FGD3: variants seen among roughly 807,000 people sequenced by gnomAD.
FGD3 encodes FYVE, RhoGEF and PH domain-containing protein 3.
Under a neutral mutation model 71.8 loss-of-function variants are expected in FGD3, and 45 were observed. The ratio of observed to expected loss-of-function variants is 0.63; its 90% CI spans 0.49 to 0.80. The LOEUF (loss-of-function observed/expected upper bound fraction) is 0.80, where lower values mean the gene tolerates loss of function less well. Among genes scored for constraint, FGD3 ranks in the 30% least tolerant of loss-of-function variants. The pLI, the probability that FGD3 is intolerant of heterozygous loss-of-function variation, is 0.00. For synonymous variants in FGD3, 378 were observed against 392.8 expected (o/e 0.96, Z 0.44); for missense variants, 844 against 951.5 (o/e 0.89, Z 1.49).
chr9:92,956,340 T>G (rs1424580511), intron 1 of FGD3, among the ~76,000 whole-genome samples: 1 of 152,214 alleles, frequency 6.6e-6, no homozygotes, highest in Non-Finnish European at 1.5e-5. Flanking sequence ...GGGGGACTAT[T>G]ATGGGCCTGA....
intron 1 of FGD3, among the ~76,000 whole-genome samples, chr9:92,956,841 T>C (rs528230075): frequency 1.4e-5 from 2 of 145,716 alleles, no homozygotes; most frequent in Admixed American, 6.8e-5. Flanking sequence ...TTTCTTTCTT[T>C]TTTTTTTTTT....
At chr9:92,990,099 T>A (rs1178811007) in intron 3 of FGD3, among the ~76,000 whole-genome samples, 1 of 152,140 alleles carries the variant, frequency 6.6e-6, no homozygotes, top group African/African-American at 2.4e-5. Flanking sequence ...AATTTTTTTT[T>A]ATCAGTTCTA....
intron 5 of FGD3, among the ~76,000 whole-genome samples, chr9:93,004,567 T>G (rs1161653094): frequency 1.3e-5 from 2 of 152,224 alleles, no homozygotes; most frequent in Admixed American, 1.3e-4. Flanking sequence ...CCTGTCCCTC[T>G]GTCCCACTGC....
chr9:92,995,697 T>A (rs1311306231), intron 3 of FGD3, among the ~76,000 whole-genome samples: 1 of 152,204 alleles, frequency 6.6e-6, no homozygotes, highest in Non-Finnish European at 1.5e-5. Flanking sequence ...GCTGTTGAAT[T>A]TTGTTGAAGG....
intron 15 of FGD3, chr9:93,032,519 A>G (rs1298445866): frequency 2.1e-6 from 1 of 471,244 alleles, no homozygotes; most frequent in East Asian, 3.4e-5. Context: ...TCCCACGCAC[A>G]CAAGACTCCT....
Position 92,951,573 on chromosome 9 carries a change from G to A in FGD3, c.-218+3844G>A, listed in dbSNP as rs528002286. Among the ~76,000 whole-genome samples, 170 of 152,366 alleles carry A rather than the reference G, an allele frequency of 1.1e-3. 1 individual carries two copies. The highest frequency in any genetic ancestry group is 6.8e-3 in the Middle Eastern group (2 of 294). On this transcript the variant is annotated intron_variant, in intron 1 of 17. Coordinates refer to ENST00000375482, the MANE Select transcript of FGD3 (RefSeq NM_001083536.2). ...CGCCTGTAGTCCCAGCTACTCGGGAGACTGAGGTGGGAGGATTGCTTGAAC... is the reference window on the plus strand; with the variant it reads ...CGCCTGTAGTCCCAGCTACTCGGGAAACTGAGGTGGGAGGATTGCTTGAAC...
At chr9:92,956,305 G>T (rs1859049470) in intron 1 of FGD3, among the ~76,000 whole-genome samples, 2 of 152,182 alleles carry the variant, frequency 1.3e-5, no homozygotes, top group Non-Finnish European at 2.9e-5. Flanking sequence ...GGTGACAGCA[G>T]GCATCCTTGC....
At chr9:93,027,907 C>CG (rs903505410) in intron 14 of FGD3, among the ~76,000 whole-genome samples, 3 of 151,672 alleles carry the variant, frequency 2.0e-5, no homozygotes, top group African/African-American at 7.3e-5. Flanking sequence ...TTTGTTGAGA[C>CG]GGGGTCTCAC....
At chr9:93,007,247 C>T (rs1054005553) in intron 6 of FGD3, among the ~76,000 whole-genome samples, 6 of 151,880 alleles carry the variant, frequency 4.0e-5, no homozygotes, top group South Asian at 2.1e-4. Context: ...CCCGCCACCA[C>T]GCCCGGCTAA....
chr9:93,003,996 C>G lies in FGD3; in HGVS notation c.544-5C>G. 6.2e-7 allele frequency: 1 copy of G among 1,614,122 alleles called. No homozygotes were observed. Among genetic ancestry groups the G allele is most frequent in the Non-Finnish European group, 8.5e-7 (1 of 1,180,028 alleles). ...CTGGCCACACGTGGGCTTCTCTATG[C>G]TCAGGTTTTCTGCACCAGGCTGACG... On this transcript the variant is annotated splice_region_variant and splice_polypyrimidine_tract_variant and intron_variant, in intron 4 of 17. Coordinates refer to ENST00000375482, the MANE Select transcript of FGD3 (RefSeq NM_001083536.2). The surrounding 1 kb of genome is among the most constrained non-coding windows in gnomAD (Gnocchi z 4.1).
intron 12 of FGD3, 86 bp downstream of exon 12, chr9:93,019,947 C>T: frequency 6.9e-7 from 1 of 1,459,220 alleles, no homozygotes. Flanking sequence ...GGTGGGGGCC[C>T]TGGCCTCCGG....
chr9:93,006,505 G>T (rs1245946223), intron 6 of FGD3, among the ~76,000 whole-genome samples: 1 of 152,146 alleles, frequency 6.6e-6, no homozygotes, highest in Non-Finnish European at 1.5e-5. Context: ...TGATTGCACA[G>T]TGTCCCTCGA....
chr9:93,007,815 A>G (rs981472097), intron 6 of FGD3, among the ~76,000 whole-genome samples: 10 of 152,178 alleles, frequency 6.6e-5, no homozygotes, highest in African/African-American at 2.4e-4. Context: ...ATCCCAGGCC[A>G]TATCTTCACA....
intron 14 of FGD3, among the ~76,000 whole-genome samples, chr9:93,026,792 TGCCCCATGGGCAC>T (rs1862130220): frequency 6.6e-6 from 1 of 152,238 alleles, no homozygotes; most frequent in African/African-American, 2.4e-5. Flanking sequence ...TGCTGCCCCC[TGCCCCATGGGCAC>T]GCCCTGTGTT....
In FGD3 at chr9:93,035,440, G is replaced by A. The variant is rs368696675; in HGVS notation, c.2029G>A (p.Ala677Thr). The change falls in exon 18 of 18, where the codon GCC becomes ACC. Residue 677 changes from alanine (A) to threonine (T), a missense_variant. Physicochemically the swap from Ala to Thr is moderately conservative, Grantham distance 58. Coordinates refer to ENST00000375482, the MANE Select transcript of FGD3 (RefSeq NM_001083536.2). ...GGGGCATGTGTGGAAGCTGCAGTGG[G>A]CCAAGCAGTCCTGGTACCTGAGCGC... ...DSGHVWKLQWAKQSWYLSASS... is the reference protein window; with the variant it reads ...DSGHVWKLQWTKQSWYLSASS... 2 of 1,612,630 alleles carry A rather than the reference G, an allele frequency of 1.2e-6. No individual in the cohort carries two copies. The highest frequency in any genetic ancestry group is 2.2e-5 in the South Asian group (2 of 90,876).
chr9:92,972,906 G>A (rs759662345), intron 1 of FGD3, among the ~76,000 whole-genome samples: 3 of 151,988 alleles, frequency 2.0e-5, no homozygotes, highest in African/African-American at 4.8e-5. Flanking sequence ...CTCACACTTC[G>A]TAGTTTTCAT....
chr9:92,954,649 G>A (rs1440259177), intron 1 of FGD3, among the ~76,000 whole-genome samples: 2 of 152,196 alleles, frequency 1.3e-5, no homozygotes, highest in Admixed American at 6.5e-5. Context: ...CCTAGGAGCC[G>A]CTCAGCAAAT....
chr9:92,993,472 T>G (rs1357743790), intron 3 of FGD3, among the ~76,000 whole-genome samples: 2 of 152,130 alleles, frequency 1.3e-5, no homozygotes, highest in Non-Finnish European at 2.9e-5. Context: ...TTTTCTTTTT[T>G]ATTATTATTA....
intron 3 of FGD3, among the ~76,000 whole-genome samples, chr9:92,984,359 C>G (rs186185122): frequency 6.6e-6 from 1 of 152,192 alleles, no homozygotes; most frequent in African/African-American, 2.4e-5. Flanking sequence ...ACCAACAATA[C>G]CTTTACCTTT....
Sources: gnomAD v4.1 joint callset for allele counts (sites outside exome capture counted in the v4.1 genomes callset) on GRCh38, gnomAD v4.1.1 for gene constraint, Gnocchi (gnomAD v3.1) non-coding constraint, MANE v1.5 for transcripts, NCBI Gene and HGNC (gene_info 2026-07-23, HGNC 2026-07-21) for gene names.